Variants in PHF21B observed in about 807,000 individuals in gnomAD.
PHF21B encodes PHD finger protein 21B.
PHF21B carries 22 observed loss-of-function variants against 62.2 expected under a neutral mutation model. The ratio of observed to expected loss-of-function variants is 0.35; its 90% CI spans 0.25 to 0.51. The LOEUF (loss-of-function observed/expected upper bound fraction) is 0.51, where lower values mean the gene tolerates loss of function less well. Among genes scored for constraint, PHF21B ranks in the 20% least tolerant of loss-of-function variants. PHF21B has a pLI of 0.97. For missense variants in PHF21B, 701 were observed against 707.9 expected, an observed-to-expected ratio of 0.99 and a Z score of 0.11; for synonymous variants, 341 against 314.7, an observed-to-expected ratio of 1.08 and a Z score of -0.88.
intron 2 of PHF21B, among the ~76,000 whole-genome samples, chr22:44,944,197 C>A (rs1331667084): frequency 2.0e-5 from 3 of 152,202 alleles, no homozygotes; most frequent in Non-Finnish European, 1.5e-5. Flanking sequence ...CGTGTGTTGT[C>A]AGGCTATGAG....
At chr22:44,930,803 C>T (rs566360088) in intron 2 of PHF21B, among the ~76,000 whole-genome samples, 7 of 152,304 alleles carry the variant, frequency 4.6e-5, no homozygotes, top group Non-Finnish European at 7.4e-5. Flanking sequence ...AAGGGCAGGG[C>T]GCAAGGGCGG....
intron 2 of PHF21B, among the ~76,000 whole-genome samples, chr22:44,937,328 G>T (rs146089831): frequency 1.4e-4 from 21 of 152,320 alleles, no homozygotes; most frequent in South Asian, 4.1e-4. Context: ...AGCCTCAAAG[G>T]CTGGGCAGAG....
intron 2 of PHF21B, among the ~76,000 whole-genome samples, chr22:44,985,900 CCATGAG>C (rs1315515707): frequency 6.6e-6 from 1 of 151,332 alleles, no homozygotes; most frequent in African/African-American, 2.4e-5. Flanking sequence ...ACCACCATCA[CCATGAG>C]CACCACCATC....
chr22:45,007,573 G>A (rs1185530511), intron 2 of PHF21B, among the ~76,000 whole-genome samples: 1 of 132,350 alleles, frequency 7.6e-6, no homozygotes, highest in Non-Finnish European at 1.7e-5. Flanking sequence ...AAGGAGGGAG[G>A]GAGGGGGCAG....
At chr22:44,888,231 T>C (rs1167181915) in intron 9 of PHF21B, 110 bp from the exon 10 acceptor site, 1 of 1,205,994 alleles carries the variant, frequency 8.3e-7, no homozygotes, top group African/African-American at 1.6e-5. Flanking sequence ...GTGGCCGCTC[T>C]TCTGCCAACG....
chr22:44,891,513 A>G (rs1293248814), intron 7 of PHF21B, among the ~76,000 whole-genome samples, 153 bp from the exon 8 acceptor site: 2 of 152,064 alleles, frequency 1.3e-5, no homozygotes, highest in African/African-American at 4.8e-5. Context: ...CAGAAATAGG[A>G]ACAAATACAG....
chr22:44,988,251 G>C (rs941867318), intron 2 of PHF21B, among the ~76,000 whole-genome samples: 25 of 152,336 alleles, frequency 1.6e-4, no homozygotes, highest in Non-Finnish European at 3.4e-4. Flanking sequence ...GATGGCTTGA[G>C]CCCAGGAGTT....
chr22:44,934,507 G>A (rs985766787), intron 2 of PHF21B, among the ~76,000 whole-genome samples: 5 of 152,248 alleles, frequency 3.3e-5, no homozygotes, highest in East Asian at 3.9e-4. Flanking sequence ...CCAGGATGGC[G>A]TGGTCAGGAA....
intron 2 of PHF21B, among the ~76,000 whole-genome samples, chr22:44,933,687 G>A (rs2147345385): frequency 6.6e-6 from 1 of 152,016 alleles, no homozygotes; most frequent in Middle Eastern, 3.4e-3. Context: ...CATTCCAGGA[G>A]ACGAGTATCT....
chr22:44,998,958 G>A (rs1449522188), intron 2 of PHF21B, among the ~76,000 whole-genome samples: 1 of 152,160 alleles, frequency 6.6e-6, no homozygotes, highest in Non-Finnish European at 1.5e-5. Flanking sequence ...TTCAGGATGA[G>A]GGTTTGACTC....
At chr22:44,945,465 T>C (rs1044109886) in intron 2 of PHF21B, among the ~76,000 whole-genome samples, 8 of 152,186 alleles carry the variant, frequency 5.3e-5, no homozygotes, top group African/African-American at 1.9e-4. Context: ...TTTTGTGCTT[T>C]CTGCAGAATC....
At chr22:44,885,265 G>C (rs1209935973) in intron 12 of PHF21B, among the ~76,000 whole-genome samples, 161 bp downstream of exon 12, 1 of 150,968 alleles carries the variant, frequency 6.6e-6, no homozygotes, top group African/African-American at 2.4e-5. Context: ...CTTGTGGTTT[G>C]AATGACACGC....
chr22:44,978,420 C>T (rs2072778135), intron 2 of PHF21B, among the ~76,000 whole-genome samples: 1 of 152,190 alleles, frequency 6.6e-6, no homozygotes, highest in Non-Finnish European at 1.5e-5. Flanking sequence ...AGTGCAGTGG[C>T]GCGATCTAGG....
intron 2 of PHF21B, among the ~76,000 whole-genome samples, chr22:44,960,879 G>A (rs1461797511): frequency 2.0e-5 from 3 of 151,364 alleles, no homozygotes; most frequent in Admixed American, 6.6e-5. Context: ...TTACAGCATC[G>A]ACTCTTCAGG....
At chr22:44,997,040 C>T (rs949115986) in intron 2 of PHF21B, among the ~76,000 whole-genome samples, 2 of 152,232 alleles carry the variant, frequency 1.3e-5, no homozygotes, top group African/African-American at 4.8e-5. Context: ...TGTCTCCCCC[C>T]CGAGTCTCTG....
intron 5 of PHF21B, among the ~76,000 whole-genome samples, chr22:44,906,792 C>T (rs927004127): frequency 6.6e-6 from 1 of 152,206 alleles, no homozygotes; most frequent in East Asian, 1.9e-4. Context: ...GCCGCCGTGA[C>T]GACAGGGGGA....
chr22:44,997,718 C>T (rs2147520414), intron 2 of PHF21B, among the ~76,000 whole-genome samples: 1 of 152,224 alleles, frequency 6.6e-6, no homozygotes, highest in South Asian at 2.1e-4. Context: ...CAAAGAGAAA[C>T]ACTTCTCCCT....
At chr22:44,952,351 A>T (rs2072211259) in intron 2 of PHF21B, among the ~76,000 whole-genome samples, 1 of 152,242 alleles carries the variant, frequency 6.6e-6, no homozygotes, top group Admixed American at 6.5e-5. Context: ...CTCAAAAAAG[A>T]AAATAAAATA....
At chr22:44,923,236 A>T (rs2071569041) in intron 2 of PHF21B, among the ~76,000 whole-genome samples, 1 of 152,142 alleles carries the variant, frequency 6.6e-6, no homozygotes. Flanking sequence ...TTAATTTAGT[A>T]CAAAAAAGAT....
Sources: gnomAD v4.1 joint callset for allele counts (sites outside exome capture counted in the v4.1 genomes callset) on GRCh38, gnomAD v4.1.1 for gene constraint, MANE v1.5 for transcripts, NCBI Gene and HGNC (gene_info 2026-07-23, HGNC 2026-07-21) for gene names.